The following RDH10 variants were observed in gnomAD, a reference collection of about 807,000 sequenced individuals.
The protein encoded by RDH10 is retinol dehydrogenase 10 (all-trans).
A neutral mutation model predicts 30.2 loss-of-function variants in RDH10; 12 were observed. The observed-to-expected ratio is 0.40, with a 90% CI of 0.25 to 0.64. RDH10 has a LOEUF of 0.64. RDH10 is among the 30% of genes least tolerant of loss of function. The probability of loss-of-function intolerance (pLI) is 0.43; values close to 1 mark genes in which losing one functional copy is unlikely to be tolerated. For missense variants in RDH10, 268 were observed against 445.2 expected (o/e 0.60, Z 3.58); for synonymous variants, 189 against 172.2 (o/e 1.10, Z -0.76).
intron 2 of RDH10, among the ~76,000 whole-genome samples, chr8:73,310,650 A>T (rs1427616304): frequency 1.3e-5 from 2 of 152,244 alleles, no homozygotes; most frequent in Admixed American, 1.3e-4. Flanking sequence ...CAAAGAGATC[A>T]ATGACAGCCT....
intron 2 of RDH10, among the ~76,000 whole-genome samples, chr8:73,301,733 G>A (rs1814381378): frequency 6.6e-6 from 1 of 152,192 alleles, no homozygotes; most frequent in Admixed American, 6.5e-5. Flanking sequence ...TCCAGCCTGG[G>A]TGACAGAACA....
intron 2 of RDH10, among the ~76,000 whole-genome samples, chr8:73,309,788 G>C (rs575586199): frequency 6.6e-6 from 1 of 152,180 alleles, no homozygotes; most frequent in East Asian, 1.9e-4. Flanking sequence ...TTGCCCCCAG[G>C]AAACATTGGT....
At chr8:73,306,008 T>G (rs901853749) in intron 2 of RDH10, among the ~76,000 whole-genome samples, 1 of 152,220 alleles carries the variant, frequency 6.6e-6, no homozygotes, top group African/African-American at 2.4e-5. Context: ...AGAAGCTCCT[T>G]TAGGCTGAGA....
intron 2 of RDH10, among the ~76,000 whole-genome samples, chr8:73,314,043 C>T (rs1440046064): frequency 6.6e-6 from 1 of 152,184 alleles, no homozygotes; most frequent in Non-Finnish European, 1.5e-5. Flanking sequence ...TTCAGATTTG[C>T]CCTTTATGTT....
chr8:73,303,979 A>G (rs1363670960), intron 2 of RDH10, among the ~76,000 whole-genome samples: 5 of 152,170 alleles, frequency 3.3e-5, no homozygotes, highest in South Asian at 2.1e-4. Flanking sequence ...CTGCTAAATA[A>G]CCAATGTCAT....
rs910604042 is a variant in RDH10 at position 73,325,167 on chromosome 8, G to A, written c.*2131G>A. 24 of 152,156 alleles carry A rather than the reference G, an allele frequency of 1.6e-4. No homozygotes were observed. The highest frequency in any genetic ancestry group is 1.4e-3 in the Admixed American group (21 of 15,284). The allele number at this position is 152,156 out of a possible 1,614,324, so 9.4% of individuals were successfully genotyped here. ...ATCCACCTTAAAACTGAGGAAAGTC[G>A]TCTTTACATCTAATTTTATTCTTGT... On this transcript the variant is annotated 3_prime_UTR_variant, in exon 6 of 6. Coordinates refer to ENST00000240285, the MANE Select transcript of RDH10 (RefSeq NM_172037.5).
chr8:73,295,878 C>T (rs1356813849), intron 1 of RDH10: 11 of 1,215,120 alleles, frequency 9.1e-6, no homozygotes, highest in Non-Finnish European at 1.1e-5. Flanking sequence ...AACTTGTTAC[C>T]ACAGGTTTGG....
rs1814284883 is a variant in RDH10 at position 73,297,304 on chromosome 8, A to G, written c.400A>G (p.Lys134Glu). The part of the protein sequence containing the change: ...NVYLTAERVR[K>E]EVGEVSVLVN... Reference sequence around the variant, plus strand: ...CTACCTGACGGCTGAAAGAGTCCGCAAGGAGGTTGGCGAAGTCTCAGTCCT... The same window carrying G: ...CTACCTGACGGCTGAAAGAGTCCGCGAGGAGGTTGGCGAAGTCTCAGTCCT... Residue 134 changes from lysine (K) to glutamate (E), a missense_variant, in exon 2 of 6, where the codon AAG becomes GAG. By Grantham distance (56) the Lys-to-Glu change is moderately conservative (BLOSUM62 1). Transcript: ENST00000240285. 1 of 1,613,978 alleles carries G rather than the reference A, an allele frequency of 6.2e-7. No individual in the cohort carries two copies. Among genetic ancestry groups the G allele is most frequent in the African/African-American group, 1.3e-5 (1 of 74,936 alleles).
At position 73,324,507 on chromosome 8, in the gene RDH10, C is replaced by A. The variant is rs1019970856; in HGVS notation, c.*1471C>A. ...GTTTAAGGCTGTTAAAATAAGCCAA[C>A]TTTTACTAATTGGGGAGTTTTATAA... On this transcript the variant is annotated 3_prime_UTR_variant, in exon 6 of 6. Coordinates refer to ENST00000240285, the MANE Select transcript of RDH10 (RefSeq NM_172037.5). The A allele has an allele frequency of 1.3e-5, 2 of 152,264 alleles. No individual in the cohort carries two copies. Among genetic ancestry groups the A allele is most frequent in the East Asian group, 1.9e-4 (1 of 5,182 alleles). The allele number at this position is 152,264 out of a possible 1,614,324, so 9.4% of individuals were successfully genotyped here.
At chr8:73,319,278 G>A in intron 3 of RDH10, 84 bp downstream of exon 3, 1 of 899,806 alleles carries the variant, frequency 1.1e-6, no homozygotes. Flanking sequence ...AGCACCTGCT[G>A]CCCCTCCATT....
At chr8:73,304,560 C>T (rs1243035719) in intron 2 of RDH10, among the ~76,000 whole-genome samples, 1 of 152,160 alleles carries the variant, frequency 6.6e-6, no homozygotes, top group Non-Finnish European at 1.5e-5. Context: ...GCATGGCATC[C>T]TGGGCCTTCC....
chr8:73,323,222 G>A lies in RDH10; in HGVS notation c.*186G>A. The stretch of plus-strand genomic sequence containing the variant: ...TACTTGGAAAATGTGATCAGTACAA[G>A]TGAACTTAGGTTGTTGCCAACAGGG... On this transcript the variant is annotated 3_prime_UTR_variant, in exon 6 of 6. Transcript: ENST00000240285. The A allele has an allele frequency of 5.9e-6, 3 of 505,676 alleles. No individual in the cohort carries two copies. The highest frequency in any genetic ancestry group is 7.0e-6 in the Non-Finnish European group (2 of 284,602). 31.3% of individuals were successfully genotyped at this position (505,676 alleles called of 1,614,324 possible).
chr8:73,312,185 C>G (rs2130370937), intron 2 of RDH10: 1 of 152,304 alleles, frequency 6.6e-6, no homozygotes, highest in Non-Finnish European at 1.5e-5. Flanking sequence ...AACTTTAACA[C>G]AGTTCACTAT....
rs573553002 is a variant in RDH10 at position 73,323,303 on chromosome 8, C to T, written c.*267C>T. On this transcript the variant is annotated 3_prime_UTR_variant, in exon 6 of 6. Transcript: ENST00000240285. ...AATCTGTAGAGAAGCAGTGTGACATCTTCAGGTTACCATTATTTTTTAATG... is the reference window on the plus strand; with the variant it reads ...AATCTGTAGAGAAGCAGTGTGACATTTTCAGGTTACCATTATTTTTTAATG... 78 of 300,690 alleles carry T rather than the reference C, an allele frequency of 2.6e-4. No individual in the cohort carries two copies. The highest frequency in any genetic ancestry group is 1.6e-3 in the African/African-American group (75 of 47,716). The allele number at this position is 300,690 out of a possible 1,614,324, so 18.6% of individuals were successfully genotyped here. A position where few individuals can be genotyped will look rare whatever the true frequency, so the allele number is the denominator to read the frequency against.
At position 73,295,282 on chromosome 8, in the gene RDH10, G is replaced by T; in HGVS notation, c.-8G>T. The T allele has an allele frequency of 6.4e-7, 1 of 1,554,042 alleles. No homozygotes were observed. Among genetic ancestry groups the T allele is most frequent in the Non-Finnish European group, 8.7e-7 (1 of 1,153,254 alleles). ...GCACTGGGCTCGTGCGGGGCCCCGG[G>T]CGTCGCGATGAACATCGTGGTGGAG... On this transcript the variant is annotated 5_prime_UTR_variant, in exon 1 of 6. Transcript: ENST00000240285.
At chr8:73,321,474 A>G (rs1433644203) in intron 4 of RDH10, among the ~76,000 whole-genome samples, 3 of 152,250 alleles carry the variant, frequency 2.0e-5, no homozygotes, top group Admixed American at 2.0e-4. Flanking sequence ...ACTGTCACAG[A>G]GAGTAACGTG....
At chr8:73,297,657 T>C (rs1814293934) in intron 2 of RDH10, 1 of 433,264 alleles carries the variant, frequency 2.3e-6, no homozygotes, top group Admixed American at 3.8e-5. Flanking sequence ...GGCAGAGGAT[T>C]GAACATTTTG....
At chr8:73,303,068 A>ATTGG (rs1249542316) in intron 2 of RDH10, among the ~76,000 whole-genome samples, 319 of 152,340 alleles carry the variant, frequency 2.1e-3, no homozygotes, top group Non-Finnish European at 3.6e-3. Context: ...TAGTTAATTA[A>ATTGG]TAGACCACTT....
chr8:73,316,766 A>G (rs1814676490), intron 2 of RDH10, among the ~76,000 whole-genome samples: 1 of 152,186 alleles, frequency 6.6e-6, no homozygotes, highest in Admixed American at 6.5e-5. Flanking sequence ...CAGTCATGGT[A>G]GAAGGCAAAG....
Sources: allele counts gnomAD v4.1 joint callset (sites outside exome capture counted in the v4.1 genomes callset), GRCh38; gene constraint gnomAD v4.1.1; transcripts MANE v1.5; gene names NCBI Gene and HGNC (gene_info 2026-07-23, HGNC 2026-07-21).